Variants in AGAP4 observed in about 807,000 individuals in gnomAD.
AGAP4 encodes ArfGAP with GTPase domain, ankyrin repeat and PH domain 4.
A neutral mutation model predicts 60.7 loss-of-function variants in AGAP4; 13 were observed. That is an observed-to-expected ratio of 0.21 (90% CI 0.14 to 0.34). The LOEUF is 0.34. Among genes scored for constraint, AGAP4 ranks in the 10% least tolerant of loss-of-function variants. The pLI, the probability that AGAP4 is intolerant of heterozygous loss-of-function variation, is 1.00. For missense variants in AGAP4, 169 were observed against 884.0 expected (o/e 0.19, Z 10.26); for synonymous variants, 70 against 339.0 (o/e 0.21, Z 8.72).
chr10:45,845,745 G>C (rs2058987756), intron 2 of AGAP4, among the ~76,000 whole-genome samples: 1 of 83,850 alleles, frequency 1.2e-5, no homozygotes, highest in South Asian at 7.1e-4. Flanking sequence ...TGGAACTACA[G>C]TCATGTGCCA....
At chr10:45,838,137 G>A (rs2135945644) in intron 4 of AGAP4, among the ~76,000 whole-genome samples, 1 of 149,744 alleles carries the variant, frequency 6.7e-6, no homozygotes, top group Admixed American at 6.6e-5. Context: ...TAAATTCATG[G>A]CATTCCCAGC....
chr10:45,827,685 CAGG>C (rs1279869115), intron 7 of AGAP4, among the ~76,000 whole-genome samples: 1 of 34,512 alleles, frequency 2.9e-5, no homozygotes, highest in African/African-American at 1.1e-4. Flanking sequence ...GAGGCTGAGG[CAGG>C]AGAATTGCTT....
intron 4 of AGAP4, among the ~76,000 whole-genome samples, chr10:45,837,636 C>T (rs2135944304): frequency 6.6e-6 from 1 of 151,938 alleles, no homozygotes; most frequent in African/African-American, 2.4e-5. Flanking sequence ...CCCTATTCAA[C>T]AAATGGTGCT....
upstream of AGAP4, chr10:45,854,676 A>T (rs2059120885): frequency 6.6e-6 from 1 of 150,944 alleles, no homozygotes; most frequent in Non-Finnish European, 1.5e-5. Context: ...AAAGAGAGAG[A>T]CAGAGAATAA....
At position 45,835,050 on chromosome 10, in the gene AGAP4, G is replaced by C. The variant is rs1198027357; in HGVS notation, c.397-934C>G. The stretch of plus-strand genomic sequence containing the variant: ...AGCCTCCCAAAGTACTGGGATTACA[G>C]GCGTGAGCCACGGCGCCCAGCCCTT... On this transcript the variant is annotated intron_variant, in intron 4 of 7. Coordinates refer to ENST00000616763, the MANE Select transcript of AGAP4 (RefSeq NM_001276343.3). Among the ~76,000 whole-genome samples the C allele has an allele frequency of 6.8e-5, 10 of 146,218 alleles. 1 individual carries two copies. Among genetic ancestry groups the C allele is most frequent in the Non-Finnish European group, 1.3e-4 (9 of 67,534 alleles).
intron 4 of AGAP4, among the ~76,000 whole-genome samples, chr10:45,834,397 G>A (rs2058778041): frequency 7.0e-6 from 1 of 142,016 alleles, no homozygotes. Context: ...TCGGCTTCGC[G>A]GGGCACGGTG....
intron 3 of AGAP4, 146 bp from the exon 4 acceptor site, chr10:45,841,833 T>A (rs1444045190): frequency 1.3e-5 from 9 of 715,974 alleles, no homozygotes; most frequent in Non-Finnish European, 1.9e-5. Flanking sequence ...TAATTTAAAT[T>A]ATCTGGCATG....
Position 45,838,041 on chromosome 10 carries a change from GTCAA to G in AGAP4, c.396+3608_396+3611del, listed in dbSNP as rs1175024016. On this transcript the variant is annotated intron_variant, in intron 4 of 7. Transcript: ENST00000616763. The stretch of plus-strand genomic sequence containing the variant: ...AAATATGGAACCAGCTCAAATGCCC[GTCAA>G]TCAATGAGTGGATAAAGAAACCGTG... Among the ~76,000 whole-genome samples the G allele has an allele frequency of 2.1e-4, 31 of 149,990 alleles. 1 individual carries two copies. Among genetic ancestry groups the G allele is most frequent in the Admixed American group, 2.0e-3 (30 of 15,120 alleles).
intron 6 of AGAP4, among the ~76,000 whole-genome samples, chr10:45,829,532 T>C (rs1244451449): frequency 3.7e-4 from 56 of 151,374 alleles, no homozygotes; most frequent in African/African-American, 1.2e-3. Context: ...CTAGGCAACA[T>C]AACGAAACCC....
At chr10:45,828,666 C>T (rs79746928) in intron 6 of AGAP4, among the ~76,000 whole-genome samples, 6,357 of 139,220 alleles carry the variant, frequency 0.046, 291 homozygotes, top group Middle Eastern at 0.15. Flanking sequence ...TTCCAGAAGG[C>T]CTAAGAGGTC....
chr10:45,846,845 A>T (rs1430879362), intron 1 of AGAP4, 90 bp from the exon 2 acceptor site: 2 of 630,988 alleles, frequency 3.2e-6, no homozygotes, highest in Non-Finnish European at 2.7e-6. Flanking sequence ...ATTCGACAAG[A>T]GCCATAAATA....
upstream of AGAP4, among the ~76,000 whole-genome samples, chr10:45,849,476 T>TGATG (rs1351559362): frequency 1.4e-3 from 184 of 127,538 alleles, 1 homozygote; most frequent in African/African-American, 4.6e-3. Flanking sequence ...TGATGATGAT[T>TGATG]ATTATTATTA....
chr10:45,826,819 C>A lies in AGAP4; in HGVS notation c.1157G>T (p.Ser386Ile), dbSNP rs200665580. Reference sequence around the variant, plus strand: ...AGAGGGGGGCGGGTTGAGCTTGGGGCTGGTGGTGCTGGAGATACTGGGGCT... The same window carrying A: ...AGAGGGGGGCGGGTTGAGCTTGGGGATGGTGGTGCTGGAGATACTGGGGCT... ...CFSPSISSTT[S>I]PKLNPPPSPH... The change falls in exon 8 of 8, where the codon AGC becomes ATC. Residue 386 changes from serine to isoleucine, a missense_variant. Physicochemically the swap from Ser to Ile is moderately radical, Grantham distance 142 (BLOSUM62 -2). Coordinates refer to ENST00000616763, the MANE Select transcript of AGAP4 (RefSeq NM_001276343.3). 4,175 of 1,507,726 alleles carry A rather than the reference C, an allele frequency of 2.8e-3. 187 individuals are homozygous for A. Among genetic ancestry groups the A allele is most frequent in the Non-Finnish European group, 3.2e-3 (3,490 of 1,106,200 alleles). The allele number at this position is 1,507,726 out of a possible 1,614,324, so 93.4% of individuals were successfully genotyped here.
chr10:45,849,924 A>C (rs2059062446), upstream of AGAP4, among the ~76,000 whole-genome samples: 1 of 150,242 alleles, frequency 6.7e-6, no homozygotes, highest in South Asian at 2.1e-4. Context: ...GTATATTTTT[A>C]AAAGAATTTT....
chr10:45,839,569 T>A (rs2058883998), intron 4 of AGAP4, among the ~76,000 whole-genome samples: 1 of 129,760 alleles, frequency 7.7e-6, no homozygotes, highest in Non-Finnish European at 1.7e-5. Flanking sequence ...TGCTTTTACT[T>A]TCCAGGCAGA....
upstream of AGAP4, among the ~76,000 whole-genome samples, chr10:45,852,239 AAAAAC>A (rs2059094241): frequency 7.3e-6 from 1 of 136,200 alleles, no homozygotes; most frequent in Admixed American, 7.3e-5. Flanking sequence ...AAAAAAAAAA[AAAAAC>A]TACTGTGGGA....
At chr10:45,841,269 C>A (rs1389202818) in intron 4 of AGAP4, among the ~76,000 whole-genome samples, 6 of 142,344 alleles carry the variant, frequency 4.2e-5, no homozygotes, top group Non-Finnish European at 6.1e-5. Context: ...CGCCCAGCTA[C>A]TTTTGTATTT....
chr10:45,852,134 C>T (rs1212136300), upstream of AGAP4, among the ~76,000 whole-genome samples: 5 of 148,466 alleles, frequency 3.4e-5, no homozygotes, highest in Non-Finnish European at 5.9e-5. Context: ...GGATGGTCTC[C>T]GTCTCTTGAC....
upstream of AGAP4, among the ~76,000 whole-genome samples, chr10:45,852,217 T>TAAAAAAAAAAA (rs781889843): frequency 3.3e-5 from 3 of 91,714 alleles, no homozygotes; most frequent in African/African-American, 1.6e-4. Context: ...GGCCAGACTT[T>TAAAAAAAAAAA]AAAAAAAAAA....
Sources: gnomAD v4.1 joint callset for allele counts (sites outside exome capture counted in the v4.1 genomes callset) on GRCh38, gnomAD v4.1.1 for gene constraint, MANE v1.5 for transcripts, NCBI Gene and HGNC (gene_info 2026-07-23, HGNC 2026-07-21) for gene names.